MAN1A2: variants seen among roughly 807,000 people sequenced by gnomAD.
The protein encoded by MAN1A2 is mannosyl-oligosaccharide 1,2-alpha-mannosidase IB.
Under a neutral mutation model 75.7 loss-of-function variants are expected in MAN1A2, and 26 were observed. The ratio of observed to expected loss-of-function variants is 0.34; its 90% CI spans 0.25 to 0.48. The LOEUF (loss-of-function observed/expected upper bound fraction) is 0.48, where lower values mean the gene tolerates loss of function less well. Among genes scored for constraint, MAN1A2 ranks in the 20% least tolerant of loss-of-function variants. The pLI is 0.99. For synonymous variants in MAN1A2, 247 were observed against 264.6 expected, an observed-to-expected ratio of 0.93 and a Z score of 0.65; for missense variants, 562 against 775.5, an observed-to-expected ratio of 0.72 and a Z score of 3.27.
chr1:117,478,370 A>G (rs1225009193), intron 8 of MAN1A2, among the ~76,000 whole-genome samples: 6 of 152,060 alleles, frequency 3.9e-5, no homozygotes, highest in Middle Eastern at 3.4e-3. Context: ...TTTTCACCCC[A>G]TCTTTTAATT....
intron 3 of MAN1A2, among the ~76,000 whole-genome samples, chr1:117,407,855 A>G (rs1570718591): frequency 6.6e-6 from 1 of 152,182 alleles, no homozygotes; most frequent in Non-Finnish European, 1.5e-5. Flanking sequence ...TTGAAGCTTC[A>G]TATCTTCATA....
At chr1:117,499,070 A>G (rs1651117531) in intron 10 of MAN1A2, among the ~76,000 whole-genome samples, 1 of 151,944 alleles carries the variant, frequency 6.6e-6, no homozygotes, top group Non-Finnish European at 1.5e-5. Flanking sequence ...ATGATGTGCA[A>G]ATGTCTAGTT....
intron 6 of MAN1A2, among the ~76,000 whole-genome samples, chr1:117,444,394 CT>C (rs770908058): frequency 6.6e-3 from 896 of 134,820 alleles, no homozygotes; most frequent in Non-Finnish European, 7.5e-3. Flanking sequence ...AAAGCATCTG[CT>C]TTTTTTTTTT....
At chr1:117,458,538 T>TTTTTTTTTTTTC (rs1649701838) in intron 6 of MAN1A2, among the ~76,000 whole-genome samples, 1 of 143,552 alleles carries the variant, frequency 7.0e-6, no homozygotes, top group Non-Finnish European at 1.5e-5. Context: ...TTTTTTTTTT[T>TTTTTTTTTTTTC]TTGAGACAGA....
At chr1:117,380,610 T>A (rs1161108585) in intron 1 of MAN1A2, among the ~76,000 whole-genome samples, 1 of 152,192 alleles carries the variant, frequency 6.6e-6, no homozygotes, top group Non-Finnish European at 1.5e-5. Context: ...CCCAGCACCA[T>A]TTGTTGAAGA....
intron 3 of MAN1A2, among the ~76,000 whole-genome samples, chr1:117,407,655 C>T (rs556055053): frequency 6.6e-6 from 1 of 152,298 alleles, no homozygotes; most frequent in East Asian, 1.9e-4. Context: ...TTCTTGGCAT[C>T]AGAGTCCTCT....
At position 117,523,343 on chromosome 1, in the gene MAN1A2, T is replaced by C. The variant is rs1651922034; in HGVS notation, c.*386T>C. 2.2e-6 allele frequency: 1 copy of C among 464,000 alleles called. No individual in the cohort carries two copies. Among genetic ancestry groups the C allele is most frequent in the Non-Finnish European group, 4.4e-6 (1 of 226,284 alleles). The allele number at this position is 464,000 out of a possible 1,614,324, so 28.7% of individuals were successfully genotyped here. On this transcript the variant is annotated 3_prime_UTR_variant, in exon 13 of 13. Coordinates refer to ENST00000356554, the MANE Select transcript of MAN1A2 (RefSeq NM_006699.5). ...AAGATGGCCTTTGGAACCAATTATG[T>C]ATTTGTTTCCTCCTACAGTGGAGCA... is the stretch of plus-strand genomic sequence containing the variant.
chr1:117,502,783 C>T, intron 11 of MAN1A2, 72 bp from the exon 12 acceptor site: 2 of 754,918 alleles, frequency 2.6e-6, no homozygotes, highest in Admixed American at 2.3e-5. Flanking sequence ...GACTATTGTC[C>T]TTCAAAGTTT....
intron 12 of MAN1A2, chr1:117,514,744 G>A (rs754382306): frequency 2.0e-6 from 1 of 498,248 alleles, no homozygotes; most frequent in Non-Finnish European, 4.1e-6. Context: ...ATCATTGTGG[G>A]TGAGGATTCT....
chr1:117,492,073 C>T (rs764658829), intron 8 of MAN1A2, among the ~76,000 whole-genome samples: 8 of 152,056 alleles, frequency 5.3e-5, no homozygotes, highest in Non-Finnish European at 1.0e-4. Context: ...TAGAATACTA[C>T]GTAAATTTAG....
intron 12 of MAN1A2, among the ~76,000 whole-genome samples, chr1:117,517,131 G>A (rs1469409667): frequency 1.3e-5 from 2 of 152,092 alleles, no homozygotes; most frequent in Non-Finnish European, 2.9e-5. Flanking sequence ...TTGGACCTAT[G>A]TAGCAAATAA....
Position 117,526,581 on chromosome 1 carries a change from C to T in MAN1A2, c.*3624C>T, listed in dbSNP as rs1311867304. 1 of 151,222 alleles carries T rather than the reference C, an allele frequency of 6.6e-6. No individual in the cohort carries two copies. The highest frequency in any genetic ancestry group is 1.9e-4 in the East Asian group (1 of 5,158). 9.4% of individuals were successfully genotyped at this position (151,222 alleles called of 1,614,324 possible). ...TTATTTTGCTATATCACTTTAATTG[C>T]ATAATTAAAAAGCAGTGTTTTATAG... On this transcript the variant is annotated 3_prime_UTR_variant, in exon 13 of 13. Transcript: ENST00000356554.
At chr1:117,405,335 C>G (rs1401798836) in intron 2 of MAN1A2, among the ~76,000 whole-genome samples, 1 of 151,914 alleles carries the variant, frequency 6.6e-6, no homozygotes, top group Non-Finnish European at 1.5e-5. Flanking sequence ...AGAAAGAAGA[C>G]TTTTCTATTA....
intron 4 of MAN1A2, among the ~76,000 whole-genome samples, chr1:117,415,744 G>A (rs1647970130): frequency 6.6e-6 from 1 of 152,030 alleles, no homozygotes; most frequent in African/African-American, 2.4e-5. Flanking sequence ...CAAGGATCTA[G>A]GATCATTTGT....
chr1:117,442,463 G>T, intron 6 of MAN1A2, 138 bp downstream of exon 6: 1 of 583,806 alleles, frequency 1.7e-6, no homozygotes. Context: ...GTTTTCTTTT[G>T]TGTATATGCA....
intron 12 of MAN1A2, among the ~76,000 whole-genome samples, chr1:117,518,142 A>G (rs1235358820): frequency 1.3e-5 from 2 of 151,994 alleles, no homozygotes; most frequent in Admixed American, 6.6e-5. Context: ...ACAAAAACCT[A>G]TTATAAAGAA....
intron 6 of MAN1A2, among the ~76,000 whole-genome samples, chr1:117,449,657 C>T (rs6678392): frequency 0.14 from 21,549 of 151,952 alleles, 1,744 homozygotes; most frequent in South Asian, 0.22. Flanking sequence ...CCAAACAGTC[C>T]GCCAAGTTGT....
At chr1:117,472,542 A>C (rs1225359571) in intron 8 of MAN1A2, among the ~76,000 whole-genome samples, 3 of 152,054 alleles carry the variant, frequency 2.0e-5, no homozygotes, top group African/African-American at 7.2e-5. Context: ...ATATGAAATA[A>C]ACAAATACAT....
In MAN1A2 at chr1:117,389,528, C is replaced by T. The variant is rs150257727; in HGVS notation, c.303-12658C>T. On this transcript the variant is annotated intron_variant, in intron 1 of 12. Coordinates refer to ENST00000356554, the MANE Select transcript of MAN1A2 (RefSeq NM_006699.5). ...TCCTGCTTGCCAGCCGAGTTCCTAA[C>T]AGGCCCTGGACTGGTACTGATCTGT... 7.3e-3 allele frequency among the ~76,000 whole-genome samples: 1,117 copies of T among 152,264 alleles called. 18 individuals carry two copies. Among genetic ancestry groups the T allele is most frequent in the African/African-American group, 0.026 (1,070 of 41,544 alleles).
Sources: gnomAD v4.1 joint callset for allele counts (sites outside exome capture counted in the v4.1 genomes callset) on GRCh38, gnomAD v4.1.1 for gene constraint, MANE v1.5 for transcripts, NCBI Gene and HGNC (gene_info 2026-07-23, HGNC 2026-07-21) for gene names.